DEPTOR: variants seen among roughly 807,000 people sequenced by gnomAD.
The protein encoded by DEPTOR is DEP domain-containing mTOR-interacting protein.
DEPTOR carries 41 observed loss-of-function variants against 41.6 expected under a neutral mutation model. The observed-to-expected ratio is 0.98, with a 90% confidence interval of 0.77 to 1.28. The LOEUF (loss-of-function observed/expected upper bound fraction) is 1.28, where lower values mean the gene tolerates loss of function less well. Among genes scored for constraint, DEPTOR ranks in the 50% most tolerant of loss-of-function variants. DEPTOR has a pLI of 0.00. For synonymous variants in DEPTOR, 195 were observed against 192.3 expected, an observed-to-expected ratio of 1.01 and a Z score of -0.12; for missense variants, 514 against 527.9, an observed-to-expected ratio of 0.97 and a Z score of 0.26.
intron 3 of DEPTOR, among the ~76,000 whole-genome samples, chr8:119,941,368 C>A (rs2129895831): frequency 3.8e-5 from 3 of 78,076 alleles, no homozygotes; most frequent in South Asian, 6.1e-4. Context: ...AGCAAATCTC[C>A]ATCTCAAAAA....
At chr8:119,933,499 C>CACACAA in intron 3 of DEPTOR, among the ~76,000 whole-genome samples, 1 of 148,072 alleles carries the variant, frequency 6.8e-6, no homozygotes, top group African/African-American at 2.5e-5. Context: ...CACACACACA[C>CACACAA]AATGTTTATT....
intron 1 of DEPTOR, among the ~76,000 whole-genome samples, chr8:119,919,920 T>C (rs1236400987): frequency 1.3e-5 from 2 of 152,200 alleles, no homozygotes; most frequent in African/African-American, 2.4e-5. Flanking sequence ...TGGACAGTGA[T>C]TTTGCAGGTA....
intron 4 of DEPTOR, among the ~76,000 whole-genome samples, chr8:119,982,928 C>G (rs1828785966): frequency 6.6e-6 from 1 of 152,224 alleles, no homozygotes; most frequent in Admixed American, 6.5e-5. Context: ...ACACTACTGC[C>G]CTGAGCAAAA....
intron 3 of DEPTOR, among the ~76,000 whole-genome samples, chr8:119,954,104 C>T (rs2129934770): frequency 6.6e-6 from 1 of 151,924 alleles, no homozygotes; most frequent in East Asian, 1.9e-4. Context: ...CCATGCCTGG[C>T]CAAGGTAATG....
At chr8:119,985,847 TTTTTTTTTTTTTTTTTG>T (rs1828823071) in intron 4 of DEPTOR, among the ~76,000 whole-genome samples, 3 of 125,976 alleles carry the variant, frequency 2.4e-5, no homozygotes, top group Admixed American at 8.1e-5. Context: ...TTTTTTTTTT[TTTTTTTTTTTTTTTTTG>T]CTTTCCATTT....
At chr8:120,019,710 G>A (rs1003438930) in intron 8 of DEPTOR, among the ~76,000 whole-genome samples, 1 of 152,162 alleles carries the variant, frequency 6.6e-6, no homozygotes. Flanking sequence ...TCCCTCCTTC[G>A]CCACAGTCTG....
Position 119,939,119 on chromosome 8 carries a change from T to G in DEPTOR, c.425+9181T>G, listed in dbSNP as rs940749836. 1.3e-5 allele frequency among the ~76,000 whole-genome samples: 2 copies of G among 152,174 alleles called. 1 individual carries two copies. Among genetic ancestry groups the G allele is most frequent in the South Asian group, 4.1e-4 (2 of 4,832 alleles). ...ACTCAGTGTTTTATAACTCTAAATT[T>G]CAACAAAAAGTTTATACTGTATAAT... On this transcript the variant is annotated intron_variant, in intron 3 of 8. Coordinates refer to ENST00000286234, the MANE Select transcript of DEPTOR (RefSeq NM_022783.4).
At chr8:119,913,119 C>T (rs1201123297) in intron 1 of DEPTOR, among the ~76,000 whole-genome samples, 1 of 152,128 alleles carries the variant, frequency 6.6e-6, no homozygotes, top group Non-Finnish European at 1.5e-5. Flanking sequence ...TGGGGTTTCA[C>T]CCAGTTGGCC....
intron 3 of DEPTOR, among the ~76,000 whole-genome samples, chr8:119,949,165 TATA>T (rs1828320932): frequency 6.6e-6 from 1 of 152,220 alleles, no homozygotes; most frequent in Non-Finnish European, 1.5e-5. Context: ...TTTCACTTGG[TATA>T]ATATTTTCAA....
At chr8:119,962,057 A>G (rs376197883) in intron 3 of DEPTOR, among the ~76,000 whole-genome samples, 209 of 149,466 alleles carry the variant, frequency 1.4e-3, no homozygotes, top group African/African-American at 4.7e-3. Context: ...CATGGCCAAC[A>G]TGGTGAAAAC....
rs560667110 is a variant in DEPTOR, at chr8:120,010,311, G to A, written c.1101+1178G>A. ...GAAAATAACTGTTACATATTTTTTA[G>A]TACTAAAATGATACATATACGTGCC... On this transcript the variant is annotated intron_variant, in intron 8 of 8. Transcript: ENST00000286234. Among the ~76,000 whole-genome samples the A allele has an allele frequency of 6.7e-5, 10 of 150,058 alleles. No individual in the cohort carries two copies. The East Asian group carries it at 1.7e-3, about 26-fold the overall frequency.
At position 119,944,762 on chromosome 8, in the gene DEPTOR, C is replaced by T. The variant is rs1330038871; in HGVS notation, c.425+14824C>T. On this transcript the variant is annotated intron_variant, in intron 3 of 8. Coordinates refer to ENST00000286234, the MANE Select transcript of DEPTOR (RefSeq NM_022783.4). ...CTCCGCCTCCTGGGTTTAAGCAATT[C>T]TCCTGCCTCAGCCTCCTGAGTAGCT... 2.0e-5 allele frequency among the ~76,000 whole-genome samples: 3 copies of T among 150,440 alleles called. No individual in the cohort carries two copies. In the Admixed American group the frequency reaches 2.0e-4, roughly 10 times the overall value.
At chr8:120,002,791 A>ATATATATATATATATATATAT (rs1554584639) in intron 5 of DEPTOR, among the ~76,000 whole-genome samples, 186 bp from the exon 6 acceptor site, 1 of 60,674 alleles carries the variant, frequency 1.6e-5, no homozygotes, top group South Asian at 4.7e-4. Flanking sequence ...AAAAAAAAAA[A>ATATATATATATATATATATAT]ATATATATAT....
intron 3 of DEPTOR, among the ~76,000 whole-genome samples, chr8:119,939,412 G>A (rs1478987959): frequency 2.6e-5 from 4 of 152,178 alleles, no homozygotes; most frequent in African/African-American, 9.7e-5. Context: ...CCAAGGGACT[G>A]GTGGTAAAAT....
intron 3 of DEPTOR, among the ~76,000 whole-genome samples, chr8:119,956,071 G>C (rs1425085292): frequency 6.6e-6 from 1 of 152,122 alleles, no homozygotes; most frequent in Non-Finnish European, 1.5e-5. Flanking sequence ...CCAAGCTAGA[G>C]TCATAGAGGA....
intron 8 of DEPTOR, among the ~76,000 whole-genome samples, chr8:120,032,103 T>C (rs1812899850): frequency 6.6e-6 from 1 of 152,196 alleles, no homozygotes; most frequent in South Asian, 2.1e-4. Flanking sequence ...CTAGCCTCTG[T>C]ATTAATAACT....
chr8:119,902,857 A>G (rs555198905), intron 1 of DEPTOR, among the ~76,000 whole-genome samples: 1 of 152,334 alleles, frequency 6.6e-6, no homozygotes, highest in Admixed American at 6.5e-5. Context: ...AAAATATGCA[A>G]AATTGGAGAG....
rs781608833 is a variant in DEPTOR at position 120,009,038 on chromosome 8, G to T, written c.1006G>T (p.Asp336Tyr). The T allele has an allele frequency of 6.2e-7, 1 of 1,614,054 alleles. No individual in the cohort carries two copies. The highest frequency in any genetic ancestry group is 8.5e-7 in the Non-Finnish European group (1 of 1,180,020). The change falls in exon 8 of 9, where the codon GAC becomes TAC. Residue 336 changes from aspartate to tyrosine, a missense_variant. Coordinates refer to ENST00000286234, the MANE Select transcript of DEPTOR (RefSeq NM_022783.4). ...TGGTTTTCCTCTCTAGATTGTTGGTGACGCGGTTGGCTGGGGTTTTGTGGT... is the reference window on the plus strand; with the variant it reads ...TGGTTTTCCTCTCTAGATTGTTGGTTACGCGGTTGGCTGGGGTTTTGTGGT... ...YARKTFTIVGDAVGWGFVVRG... is the reference protein window; with the variant it reads ...YARKTFTIVGYAVGWGFVVRG...
intron 8 of DEPTOR, among the ~76,000 whole-genome samples, chr8:120,031,129 C>T (rs1016278199): frequency 2.0e-5 from 3 of 151,842 alleles, no homozygotes; most frequent in African/African-American, 7.3e-5. Context: ...TCAGGAGTTT[C>T]AGACCAACCT....
Sources: allele counts gnomAD v4.1 joint callset (sites outside exome capture counted in the v4.1 genomes callset), GRCh38; gene constraint gnomAD v4.1.1; transcripts MANE v1.5; gene names NCBI Gene and HGNC (gene_info 2026-07-23, HGNC 2026-07-21).